SI: variants seen among roughly 807,000 people sequenced by gnomAD.
SI encodes the protein sucrase-isomaltase, intestinal.
Under a neutral mutation model 253.3 loss-of-function variants are expected in SI, and 235 were observed. That is an observed-to-expected ratio of 0.93 (90% CI 0.83 to 1.03). The LOEUF is 1.03. Ranked by LOEUF, SI falls within the 50% of genes least tolerant of loss-of-function variation. The pLI is 0.00. For synonymous variants in SI, 819 were observed against 712.0 expected, an observed-to-expected ratio of 1.15 and a Z score of -2.39; for missense variants, 2,442 against 2,211.1, an observed-to-expected ratio of 1.10 and a Z score of -2.09.
intron 26 of SI, among the ~76,000 whole-genome samples, chr3:165,021,651 A>G (rs991821207): frequency 6.6e-6 from 1 of 151,696 alleles, no homozygotes; most frequent in Non-Finnish European, 1.5e-5. Context: ...CAAAACAAAA[A>G]TTTTAGAGCT....
chr3:165,050,148 C>A (rs984916458), intron 13 of SI, among the ~76,000 whole-genome samples: 2 of 151,962 alleles, frequency 1.3e-5, no homozygotes, highest in Non-Finnish European at 2.9e-5. Context: ...AGTATTAAGT[C>A]ATTTCTAAAT....
chr3:165,040,042 A>G, intron 18 of SI, 71 bp from the exon 19 acceptor site: 1 of 1,239,752 alleles, frequency 8.1e-7, no homozygotes, highest in Non-Finnish European at 1.2e-6. Context: ...GGTTCAGTTT[A>G]TCTTTTCAGT....
chr3:165,022,945 A>G (rs976670358), intron 26 of SI, among the ~76,000 whole-genome samples: 2 of 151,276 alleles, frequency 1.3e-5, no homozygotes, highest in East Asian at 3.9e-4. Context: ...CCTTACAGAT[A>G]CTCCACTTAG....
At chr3:165,030,381 T>G (rs1044071125) in intron 25 of SI, among the ~76,000 whole-genome samples, 5 of 150,890 alleles carry the variant, frequency 3.3e-5, no homozygotes, top group Non-Finnish European at 5.9e-5. Context: ...CTGGCATATC[T>G]TACCCAAACA....
At chr3:165,030,580 C>T (rs1345312824) in intron 25 of SI, 132 bp downstream of exon 25, 8 of 956,312 alleles carry the variant, frequency 8.4e-6, no homozygotes, top group Non-Finnish European at 3.2e-6. Context: ...GAGATGCTAA[C>T]TTCAAATTCC....
upstream of SI, among the ~76,000 whole-genome samples, chr3:165,080,909 G>A (rs1022222955): frequency 7.3e-5 from 11 of 151,662 alleles, no homozygotes; most frequent in Admixed American, 2.0e-4. Flanking sequence ...TTTAAAAAAA[G>A]AAAGTCTTAA....
intron 20 of SI, among the ~76,000 whole-genome samples, chr3:165,038,596 G>T (rs1193995973): frequency 6.6e-6 from 1 of 151,138 alleles, no homozygotes; most frequent in Non-Finnish European, 1.5e-5. Context: ...AAAAGGTCTT[G>T]TTCAATTGAA....
chr3:165,012,410 A>G (rs1576884300), intron 34 of SI, among the ~76,000 whole-genome samples: 1 of 152,002 alleles, frequency 6.6e-6, no homozygotes, highest in Admixed American at 6.6e-5. Flanking sequence ...TATTACTGTA[A>G]TAATTTTTTG....
chr3:165,068,572 AC>A, intron 5 of SI, 149 bp downstream of exon 5: 1 of 681,992 alleles, frequency 1.5e-6, no homozygotes, highest in East Asian at 2.9e-5. Context: ...ACGGGGTTTC[AC>A]CCTGTTAGCC....
At position 164,979,252 on chromosome 3, in the gene SI, A is replaced by C; in HGVS notation, c.*110T>G. ...CAAAATAACTTTTCGATGTTATGAA[A>C]GCTATATTTTGTAGAGTACAAGAAC... On this transcript the variant is annotated 3_prime_UTR_variant, in exon 48 of 48. Coordinates refer to ENST00000264382, the MANE Select transcript of SI (RefSeq NM_001041.4). 1.3e-6 allele frequency: 1 copy of C among 751,184 alleles called. No individual in the cohort carries two copies. The highest frequency in any genetic ancestry group is 2.4e-6 in the Non-Finnish European group (1 of 410,862). 46.5% of individuals were successfully genotyped at this position (751,184 alleles called of 1,614,324 possible). A position where few individuals can be genotyped will look rare whatever the true frequency, so the allele number is the denominator to read the frequency against.
In SI at chr3:164,994,424, A is replaced by G; in HGVS notation, c.4693-19T>C. On this transcript the variant is annotated intron_variant, in intron 40 of 47. Coordinates refer to ENST00000264382, the MANE Select transcript of SI (RefSeq NM_001041.4). ...CTTGTCTCTGAAACAAAGCAAAATAACATAGTTATAAGCTTTGGTCCTTGT... is the reference window on the plus strand; with the variant it reads ...CTTGTCTCTGAAACAAAGCAAAATAGCATAGTTATAAGCTTTGGTCCTTGT... The G allele has an allele frequency of 6.2e-7, 1 of 1,608,718 alleles. No homozygotes were observed. The highest frequency in any genetic ancestry group is 8.5e-7 in the Non-Finnish European group (1 of 1,176,358).
intron 14 of SI, 45 bp from the exon 15 acceptor site, chr3:165,049,289 T>A: frequency 9.4e-7 from 1 of 1,064,974 alleles, no homozygotes; most frequent in East Asian, 2.6e-5. Flanking sequence ...TTTTCCATTA[T>A]AAAAGTTATA....
chr3:165,058,255 C>A (rs970357370), intron 12 of SI, among the ~76,000 whole-genome samples: 30 of 151,744 alleles, frequency 2.0e-4, no homozygotes, highest in African/African-American at 4.6e-4. Flanking sequence ...AATGGAAACA[C>A]AATGTACCAA....
intron 44 of SI, among the ~76,000 whole-genome samples, chr3:164,989,437 G>A (rs976517601): frequency 5.8e-5 from 8 of 137,076 alleles, no homozygotes; most frequent in East Asian, 2.2e-4. Flanking sequence ...AGAAAGAAAG[G>A]AAAGAAAGAA....
intron 19 of SI, among the ~76,000 whole-genome samples, 193 bp downstream of exon 19, chr3:165,039,694 T>A (rs1012003295): frequency 1.3e-5 from 2 of 152,070 alleles, no homozygotes; most frequent in African/African-American, 4.8e-5. Context: ...AGATATCACA[T>A]ATTTGGTAAG....
At chr3:165,011,774 TTTA>T (rs1003949519) in intron 34 of SI, among the ~76,000 whole-genome samples, 11 of 148,776 alleles carry the variant, frequency 7.4e-5, no homozygotes, top group African/African-American at 1.7e-4. Context: ...TTATTTATTA[TTTA>T]TTATTATTAT....
Position 165,068,527 on chromosome 3 carries a change from C to T in SI, c.483+195G>A, listed in dbSNP as rs544274547. Among the ~76,000 whole-genome samples, 476 of 152,256 alleles carry T rather than the reference C, an allele frequency of 3.1e-3. 1 individual carries two copies. Among genetic ancestry groups the T allele is most frequent in the Non-Finnish European group, 5.8e-3 (393 of 68,020 alleles). ...TAGCTGGGATTACAGGCGCCCGCCACCACGCCTGGCTAATTTTTCGTATTT... is the reference window on the plus strand; with the variant it reads ...TAGCTGGGATTACAGGCGCCCGCCATCACGCCTGGCTAATTTTTCGTATTT... On this transcript the variant is annotated intron_variant, in intron 5 of 47. Coordinates refer to ENST00000264382, the MANE Select transcript of SI (RefSeq NM_001041.4).
intron 44 of SI, among the ~76,000 whole-genome samples, chr3:164,989,964 G>C (rs190918015): frequency 6.6e-6 from 1 of 152,140 alleles, no homozygotes; most frequent in African/African-American, 2.4e-5. Flanking sequence ...GTTTAGGTCA[G>C]TAAAACAATT....
At position 165,007,490 on chromosome 3, in the gene SI, T is replaced by C. The variant is rs147006013; in HGVS notation, c.4267+421A>G. Among the ~76,000 whole-genome samples the C allele has an allele frequency of 3.7e-4, 56 of 152,178 alleles. No individual in the cohort carries two copies. In the East Asian group the frequency reaches 0.01, roughly 28 times the overall value. On this transcript the variant is annotated intron_variant, in intron 36 of 47. Coordinates refer to ENST00000264382, the MANE Select transcript of SI (RefSeq NM_001041.4). The stretch of plus-strand genomic sequence containing the variant: ...GTGTTAGCATTCTTTCCCTTATCCT[T>C]AGTAAAGAAACACTTCTAAAAACTT...
Sources: allele counts gnomAD v4.1 joint callset (sites outside exome capture counted in the v4.1 genomes callset), GRCh38; gene constraint gnomAD v4.1.1; transcripts MANE v1.5; gene names NCBI Gene and HGNC (gene_info 2026-07-23, HGNC 2026-07-21).